Variants in UBL3 observed in about 807,000 individuals in gnomAD.
UBL3 encodes the protein ubiquitin like 3, also known as ubiquitin-like protein 3.
A neutral mutation model predicts 18.4 loss-of-function variants in UBL3; 6 were observed. That is an observed-to-expected ratio of 0.33 (90% CI 0.18 to 0.64). The LOEUF is 0.64. Among genes scored for constraint, UBL3 ranks in the 30% least tolerant of loss-of-function variants. The pLI is 0.76. For synonymous variants in UBL3, 49 were observed against 46.6 expected (o/e 1.05, Z -0.21); for missense variants, 109 against 142.9 (o/e 0.76, Z 1.21).
chr13:29,829,289 A>G (rs1209281048), intron 1 of UBL3, among the ~76,000 whole-genome samples: 1 of 152,204 alleles, frequency 6.6e-6, no homozygotes, highest in East Asian at 1.9e-4. Context: ...CCCCAGAGGT[A>G]GAGTCTACAG....
At chr13:29,844,925 A>G (rs961790828) in intron 1 of UBL3, among the ~76,000 whole-genome samples, 2 of 89,580 alleles carry the variant, frequency 2.2e-5, no homozygotes, top group African/African-American at 8.6e-5. Flanking sequence ...CACCACTATT[A>G]CTACGGAACA....
chr13:29,843,120 G>A (rs1368455897), intron 1 of UBL3, among the ~76,000 whole-genome samples: 1 of 152,106 alleles, frequency 6.6e-6, no homozygotes, highest in Non-Finnish European at 1.5e-5. Context: ...AAGTTAAAAT[G>A]CTCAGAAATC....
At chr13:29,828,589 C>G (rs1458414361) in intron 1 of UBL3, among the ~76,000 whole-genome samples, 1 of 152,108 alleles carries the variant, frequency 6.6e-6, no homozygotes, top group African/African-American at 2.4e-5. Context: ...AATCTTTTTT[C>G]AAGGTTTTTA....
intron 1 of UBL3, among the ~76,000 whole-genome samples, chr13:29,847,395 C>T (rs1350811356): frequency 1.3e-5 from 2 of 152,234 alleles, no homozygotes; most frequent in Non-Finnish European, 2.9e-5. Context: ...TCTCAAAGCA[C>T]CACAGAATCA....
chr13:29,835,740 C>G (rs1413002053), intron 1 of UBL3, among the ~76,000 whole-genome samples: 4 of 115,228 alleles, frequency 3.5e-5, no homozygotes, highest in African/African-American at 1.4e-4. Context: ...GGCAACAGAG[C>G]TAGACGCTGT....
At chr13:29,810,711 T>G (rs1469645769) in intron 1 of UBL3, among the ~76,000 whole-genome samples, 1 of 152,096 alleles carries the variant, frequency 6.6e-6, no homozygotes, top group African/African-American at 2.4e-5. Flanking sequence ...TACGTGTGAA[T>G]TAGATATTTT....
chr13:29,835,542 G>A (rs766337852), intron 1 of UBL3, among the ~76,000 whole-genome samples: 3 of 151,518 alleles, frequency 2.0e-5, no homozygotes, highest in Non-Finnish European at 4.4e-5. Flanking sequence ...GGATCATGAG[G>A]TCAAGAAATC....
chr13:29,835,144 ATATATATATAT>A (rs1878917586), intron 1 of UBL3, among the ~76,000 whole-genome samples: 1 of 15,036 alleles, frequency 6.7e-5, no homozygotes, highest in South Asian at 2.3e-3. Context: ...ATATATATAT[ATATATATATAT>A]ATATATATAT....
intron 1 of UBL3, among the ~76,000 whole-genome samples, chr13:29,824,572 ATTTG>A (rs1443684572): frequency 1.3e-5 from 2 of 152,018 alleles, no homozygotes; most frequent in African/African-American, 4.8e-5. Context: ...TTTCTTGTAA[ATTTG>A]TTTGAGTTCT....
At chr13:29,769,146 T>G (rs1219605495) in intron 3 of UBL3, among the ~76,000 whole-genome samples, 2 of 152,090 alleles carry the variant, frequency 1.3e-5, no homozygotes, top group African/African-American at 4.8e-5. Context: ...AAAGAAAGCA[T>G]TCAGTATATA....
chr13:29,818,671 G>A (rs9508558), intron 1 of UBL3, among the ~76,000 whole-genome samples: 42,833 of 151,970 alleles, frequency 0.28, 6,101 homozygotes, highest in East Asian at 0.41. Context: ...CTTCACCTTA[G>A]TGGCCAATGT....
At chr13:29,780,689 T>C (rs1877131223) in intron 1 of UBL3, among the ~76,000 whole-genome samples, 1 of 152,004 alleles carries the variant, frequency 6.6e-6, no homozygotes, top group Admixed American at 6.6e-5. Context: ...AGAAAAGGTA[T>C]AACTAAGACT....
At chr13:29,835,117 TATATATAA>T (rs1566001016) in intron 1 of UBL3, among the ~76,000 whole-genome samples, 2 of 22,778 alleles carry the variant, frequency 8.8e-5, no homozygotes, top group African/African-American at 4.6e-4. Context: ...AATATATATA[TATATATAA>T]ATATATATAT....
At chr13:29,789,427 C>T (rs1367262699) in intron 1 of UBL3, among the ~76,000 whole-genome samples, 1 of 152,140 alleles carries the variant, frequency 6.6e-6, no homozygotes, top group African/African-American at 2.4e-5. Flanking sequence ...AATTCAGAAT[C>T]TTTCATATGC....
In UBL3 at chr13:29,839,487, A is replaced by G. The variant is rs573901315; in HGVS notation, c.27+10025T>C. 3.3e-5 allele frequency among the ~76,000 whole-genome samples: 5 copies of G among 152,232 alleles called. No individual in the cohort carries two copies. In the South Asian group the frequency reaches 1.0e-3, roughly 32 times the overall value. On this transcript the variant is annotated intron_variant, in intron 1 of 4. Transcript: ENST00000380680. Reference sequence around the variant, plus strand: ...ATTTTTTAAATTCCAAAAATATTCCAAAAAAACCCCACAAAGGAGCCAGGC... The same window carrying G: ...ATTTTTTAAATTCCAAAAATATTCCGAAAAAACCCCACAAAGGAGCCAGGC...
At chr13:29,787,589 A>G (rs1462160872) in intron 1 of UBL3, among the ~76,000 whole-genome samples, 1 of 152,192 alleles carries the variant, frequency 6.6e-6, no homozygotes, top group African/African-American at 2.4e-5. Flanking sequence ...TGACTGTAGG[A>G]TATCCCTTGC....
chr13:29,849,514 T>C lies in UBL3; in HGVS notation c.25A>G (p.Met9Val), dbSNP rs1444216813. Residue 9 changes from methionine (M) to valine (V), a missense_variant and splice_region_variant, in exon 1 of 5, where the codon ATG becomes GTG. Coordinates refer to ENST00000380680, the MANE Select transcript of UBL3 (RefSeq NM_007106.4). MSSNVPAD[M>V]INLRLILVSG... Reference sequence around the variant, plus strand: ...GTCATAACTTATCCGTCACTTACCATATCCGCCGGGACATTACTGGACATC... The same window carrying C: ...GTCATAACTTATCCGTCACTTACCACATCCGCCGGGACATTACTGGACATC... 1 of 1,613,918 alleles carries C rather than the reference T, an allele frequency of 6.2e-7. No individual in the cohort carries two copies. The highest frequency in any genetic ancestry group is 1.7e-5 in the Admixed American group (1 of 60,000).
At chr13:29,829,352 AG>A (rs1878709335) in intron 1 of UBL3, among the ~76,000 whole-genome samples, 1 of 152,090 alleles carries the variant, frequency 6.6e-6, no homozygotes, top group Non-Finnish European at 1.5e-5. Flanking sequence ...TCAAGCTTCT[AG>A]GCCGCTTTGT....
chr13:29,849,391 G>C, intron 1 of UBL3, 121 bp downstream of exon 1: 1 of 1,353,274 alleles, frequency 7.4e-7, no homozygotes, highest in Non-Finnish European at 1.0e-6. Flanking sequence ...TCTCCAAATC[G>C]CTCAGCACAG....
Sources: allele counts gnomAD v4.1 joint callset (sites outside exome capture counted in the v4.1 genomes callset), GRCh38; gene constraint gnomAD v4.1.1; transcripts MANE v1.5; gene names NCBI Gene and HGNC (gene_info 2026-07-23, HGNC 2026-07-21).